Variants in ABL2 observed in about 807,000 individuals in gnomAD.
ABL2 encodes ABL proto-oncogene 2, non-receptor tyrosine kinase, also known as tyrosine-protein kinase ABL2.
ABL2 carries 49 observed loss-of-function variants against 107.7 expected under a neutral mutation model. That is an observed-to-expected ratio of 0.45 (90% CI 0.36 to 0.58). ABL2 has a LOEUF of 0.58. ABL2 is among the 20% of genes least tolerant of loss of function. ABL2 has a pLI of 0.00. For missense variants in ABL2, 1,245 were observed against 1,457.0 expected, an observed-to-expected ratio of 0.85 and a Z score of 2.37; for synonymous variants, 549 against 548.6, an observed-to-expected ratio of 1.00 and a Z score of -0.01.
rs538351270 is a variant in ABL2 at position 179,168,660 on chromosome 1, GCA to G, written c.158-35288_158-35287del. On this transcript the variant is annotated intron_variant, in intron 1 of 11. Coordinates refer to ENST00000502732, the MANE Select transcript of ABL2 (RefSeq NM_007314.4). ...TACAGTTCTATGAATTTTAATACAT[GCA>G]CAGATTTATGGACTCACCACCTGCT... Among the ~76,000 whole-genome samples, 551 of 152,298 alleles carry G rather than the reference GCA, an allele frequency of 3.6e-3. 3 individuals are homozygous for G. Among genetic ancestry groups the G allele is most frequent in the African/African-American group, 0.012 (506 of 41,564 alleles).
rs534991975 is a variant in ABL2, at chr1:179,099,853, G to C, written c.*7865C>G. On this transcript the variant is annotated 3_prime_UTR_variant, in exon 12 of 12. Transcript: ENST00000502732. ...AGAATCAGACTGCAGAGAAGGAAAA[G>C]TGCAGGGTCTGGGAGGAGATGGAGG... The C allele has an allele frequency of 8.6e-6, 2 of 232,596 alleles. No homozygotes were observed. The highest frequency in any genetic ancestry group is 3.6e-4 in the South Asian group (2 of 5,528). 14.4% of individuals were successfully genotyped at this position (232,596 alleles called of 1,614,324 possible).
intron 1 of ABL2, among the ~76,000 whole-genome samples, chr1:179,153,217 C>G (rs1658470578): frequency 6.6e-6 from 1 of 152,118 alleles, no homozygotes; most frequent in East Asian, 1.9e-4. Context: ...AACCTCATTA[C>G]TCTTTCCTGT....
intron 3 of ABL2, 92 bp downstream of exon 3, chr1:179,131,219 T>C (rs1176175243): frequency 1.7e-5 from 24 of 1,395,944 alleles, no homozygotes; most frequent in South Asian, 8.2e-5. Flanking sequence ...GCTGAGATTA[T>C]AGGTGTGAGC....
intron 1 of ABL2, among the ~76,000 whole-genome samples, chr1:179,145,371 T>C (rs1415396644): frequency 6.6e-6 from 1 of 152,214 alleles, no homozygotes; most frequent in Non-Finnish European, 1.5e-5. Flanking sequence ...GTTTATGTTA[T>C]AGCTATCAGT....
chr1:179,152,839 C>G (rs1266619548), intron 1 of ABL2, among the ~76,000 whole-genome samples: 1 of 152,088 alleles, frequency 6.6e-6, no homozygotes. Context: ...GGAGAACAGA[C>G]AGATTCAAGA....
rs1220140763 is a variant in ABL2 at position 179,187,403 on chromosome 1, AAAG to A, written c.157+41835_157+41837del. On this transcript the variant is annotated intron_variant, in intron 1 of 11. Coordinates refer to ENST00000502732, the MANE Select transcript of ABL2 (RefSeq NM_007314.4). ...CACTTTGATATACATTGGAGAAACC[AAAG>A]AAGTTTCAAATTCAAAATGTCATCT... Among the ~76,000 whole-genome samples the A allele has an allele frequency of 2.0e-5, 3 of 152,240 alleles. No individual in the cohort carries two copies. In the East Asian group the frequency reaches 5.8e-4, roughly 29 times the overall value.
intron 1 of ABL2, among the ~76,000 whole-genome samples, chr1:179,198,842 CTT>C (rs554794092): frequency 4.4e-4 from 61 of 137,164 alleles, no homozygotes; most frequent in Non-Finnish European, 5.5e-4. Context: ...CCAAATTATC[CTT>C]TTTTTTTTTT....
At position 179,176,702 on chromosome 1, in the gene ABL2, C is replaced by CTTTTTTTTTTTTTTTTT. The variant is rs35138436; in HGVS notation, c.158-43329_158-43328insAAAAAAAAAAAAAAAAA. On this transcript the variant is annotated intron_variant, in intron 1 of 11. Coordinates refer to ENST00000502732, the MANE Select transcript of ABL2 (RefSeq NM_007314.4). The stretch of plus-strand genomic sequence containing the variant: ...TTTGTTTTTAGTGTTGTTACATATT[C>CTTTTTTTTTTTTTTTTT]TTTTTTTTTTCCAGACAGATTCTCA... Among the ~76,000 whole-genome samples, 18 of 107,292 alleles carry CTTTTTTTTTTTTTTTTT rather than the reference C, an allele frequency of 1.7e-4. 2 individuals carry two copies. Among genetic ancestry groups the CTTTTTTTTTTTTTTTTT allele is most frequent in the African/African-American group, 1.8e-4 (5 of 28,466 alleles). 70.4% of individuals were successfully genotyped at this position (107,292 alleles called of 152,430 possible). A position where few individuals can be genotyped will look rare whatever the true frequency, so the allele number is the denominator to read the frequency against.
chr1:179,172,316 C>G (rs956572419), intron 1 of ABL2, among the ~76,000 whole-genome samples: 1 of 152,190 alleles, frequency 6.6e-6, no homozygotes, highest in Non-Finnish European at 1.5e-5. Flanking sequence ...CATGATACCT[C>G]TACCACTCTC....
rs28913898 is a variant in ABL2, at chr1:179,106,393, C to T, written c.*1325G>A. The T allele has an allele frequency of 5.5e-4, 128 of 231,592 alleles. No individual in the cohort carries two copies. In the East Asian group the frequency reaches 7.2e-3, roughly 13 times the overall value. The allele number at this position is 231,592 out of a possible 1,614,324, so 14.3% of individuals were successfully genotyped here. On this transcript the variant is annotated 3_prime_UTR_variant, in exon 12 of 12. Coordinates refer to ENST00000502732, the MANE Select transcript of ABL2 (RefSeq NM_007314.4). ...TGGTGCTCCCTGAAAATGACTACTC[C>T]TTCAATTATGCATTCTTAAAATAGA...
chr1:179,155,458 G>A (rs781618805), intron 1 of ABL2, among the ~76,000 whole-genome samples: 5 of 152,068 alleles, frequency 3.3e-5, no homozygotes, highest in African/African-American at 9.7e-5. Flanking sequence ...GGCCAGGCGC[G>A]GTGGCTCACA....
chr1:179,181,106 G>A (rs1286340636), intron 1 of ABL2, among the ~76,000 whole-genome samples: 1 of 152,206 alleles, frequency 6.6e-6, no homozygotes, highest in Non-Finnish European at 1.5e-5. Context: ...TGAAAGAACA[G>A]TACATTCCTT....
chr1:179,206,027 A>C lies in ABL2; in HGVS notation c.157+23214T>G, dbSNP rs113649407. Reference sequence around the variant, plus strand: ...TATCATCTCTATTTTACAAATAAGGACATTGAATTACAGGGATGTTGAATA... The same window carrying C: ...TATCATCTCTATTTTACAAATAAGGCCATTGAATTACAGGGATGTTGAATA... On this transcript the variant is annotated intron_variant, in intron 1 of 11. Transcript: ENST00000502732. 6.0e-3 allele frequency among the ~76,000 whole-genome samples: 920 copies of C among 152,278 alleles called. 13 individuals are homozygous for C. Among genetic ancestry groups the C allele is most frequent in the African/African-American group, 0.021 (888 of 41,538 alleles).
At chr1:179,114,367 C>T (rs1317350061) in intron 9 of ABL2, among the ~76,000 whole-genome samples, 3 of 20,222 alleles carry the variant, frequency 1.5e-4, no homozygotes, top group African/African-American at 8.2e-4. Context: ...GAAATCACGT[C>T]ACTGAGCCGA....
At chr1:179,184,540 C>A in intron 1 of ABL2, 3 of 585,218 alleles carry the variant, frequency 5.1e-6, no homozygotes, top group South Asian at 1.9e-5. Context: ...TACTTGGTTA[C>A]CGACTGATAT....
rs566332357 is a variant in ABL2 at position 179,103,650 on chromosome 1, A to G, written c.*4068T>C. On this transcript the variant is annotated 3_prime_UTR_variant, in exon 12 of 12. Coordinates refer to ENST00000502732, the MANE Select transcript of ABL2 (RefSeq NM_007314.4). ...TGCTTGCTTGGCTTGTGTTCCCATT[A>G]CTCCACATTCAAGCCCCTTAAGGTC... The G allele has an allele frequency of 5.3e-4, 118 of 224,170 alleles. 1 individual carries two copies. Among genetic ancestry groups the G allele is most frequent in the Non-Finnish European group, 9.1e-4 (102 of 112,350 alleles). The allele number at this position is 224,170 out of a possible 1,614,324, so 13.9% of individuals were successfully genotyped here. A position where few individuals can be genotyped will look rare whatever the true frequency, so the allele number is the denominator to read the frequency against.
intron 1 of ABL2, 100 bp from the exon 2 acceptor site, chr1:179,133,474 A>G: frequency 6.3e-7 from 1 of 1,594,278 alleles, no homozygotes; most frequent in Non-Finnish European, 8.6e-7. Flanking sequence ...AAGGCCTTTC[A>G]TGATCAGGTC....
chr1:179,126,494 T>G lies in ABL2; in HGVS notation c.570A>C (p.Leu190=). ...CTCGCACCAGGAAGCTGCCATTGAT[T>G]AGACTGCTGAGCAGATACTCAGCTG... ...RSAAEYLLSS[L]INGSFLVRES... Residue 190 remains leucine, a synonymous_variant, in exon 4 of 12, where the codon CTA becomes CTC. Transcript: ENST00000502732. The surrounding 1 kb of genome is among the most constrained non-coding windows in gnomAD (Gnocchi z 4.4). 1 of 1,614,208 alleles carries G rather than the reference T, an allele frequency of 6.2e-7. No individual in the cohort carries two copies. Among genetic ancestry groups the G allele is most frequent in the Non-Finnish European group, 8.5e-7 (1 of 1,180,038 alleles).
At chr1:179,140,163 T>C (rs1657443607) in intron 1 of ABL2, among the ~76,000 whole-genome samples, 1 of 152,366 alleles carries the variant, frequency 6.6e-6, no homozygotes, top group South Asian at 2.1e-4. Flanking sequence ...TGCAAGGTCC[T>C]TCACAATTGG....
Sources: gnomAD v4.1 joint callset for allele counts (sites outside exome capture counted in the v4.1 genomes callset) on GRCh38, gnomAD v4.1.1 for gene constraint, Gnocchi (gnomAD v3.1) non-coding constraint, MANE v1.5 for transcripts, NCBI Gene and HGNC (gene_info 2026-07-23, HGNC 2026-07-21) for gene names.